Variants in ITGB5 observed in about 807,000 individuals in gnomAD.
ITGB5 encodes the protein integrin subunit beta 5.
ITGB5 carries 38 observed loss-of-function variants against 84.8 expected under a neutral mutation model. That is an observed-to-expected ratio of 0.45 (90% confidence interval 0.35 to 0.59). ITGB5 has a LOEUF of 0.59. Among genes scored for constraint, ITGB5 ranks in the 20% least tolerant of loss-of-function variants. ITGB5 has a pLI of 0.01. For missense variants in ITGB5, 905 were observed against 1,034.5 expected, an observed-to-expected ratio of 0.87 and a Z score of 1.72; for synonymous variants, 393 against 414.4, an observed-to-expected ratio of 0.95 and a Z score of 0.63.
intron 8 of ITGB5, among the ~76,000 whole-genome samples, chr3:124,813,486 G>A (rs1420081727): frequency 6.6e-6 from 1 of 152,168 alleles, no homozygotes; most frequent in African/African-American, 2.4e-5. Flanking sequence ...GTACTAGGTT[G>A]TCATCTATAC....
chr3:124,769,362 T>C, intron 11 of ITGB5: 1 of 436,918 alleles, frequency 2.3e-6, no homozygotes, highest in Admixed American at 3.9e-5. Context: ...ACCTTTCAAA[T>C]TCTGACACCA....
intron 9 of ITGB5, among the ~76,000 whole-genome samples, chr3:124,798,055 C>CTTTTTTTTTTTTTTTTTTTTTTTTTT (rs60292129): frequency 2.9e-5 from 3 of 103,656 alleles, no homozygotes; most frequent in African/African-American, 8.0e-5. Context: ...TAGAATAAAG[C>CTTTTTTTTTTTTTTTTTTTTTTTTTT]TTTTTTTTTT....
At position 124,769,097 on chromosome 3, in the gene ITGB5, G is replaced by A. The variant is rs1334616101; in HGVS notation, c.1933C>T (p.Leu645=). Reference sequence around the variant, plus strand: ...TCAGGTTTCCCAGAGTGGAGCAGCAGGCACTCGACGCAATCTCTTTGGAAA... The same window carrying A: ...TCAGGTTTCCCAGAGTGGAGCAGCAAGCACTCGACGCAATCTCTTTGGAAA... ...CSTKRDCVEC[L]LLHSGKPDNQ... Residue 645 remains leucine (L), a synonymous_variant, in exon 12 of 15, where the codon CTG becomes TTG. Coordinates refer to ENST00000296181, the MANE Select transcript of ITGB5 (RefSeq NM_002213.5). 1 of 1,614,054 alleles carries A rather than the reference G, an allele frequency of 6.2e-7. No homozygotes were observed. The highest frequency in any genetic ancestry group is 8.5e-7 in the Non-Finnish European group (1 of 1,180,002).
chr3:124,849,720 T>A (rs2065126977), intron 3 of ITGB5, among the ~76,000 whole-genome samples: 1 of 152,066 alleles, frequency 6.6e-6, no homozygotes, highest in Non-Finnish European at 1.5e-5. Flanking sequence ...AAAGCTAGTG[T>A]CTGGCAGGTG....
chr3:124,826,205 C>T (rs1052041320), intron 5 of ITGB5, among the ~76,000 whole-genome samples: 6 of 152,088 alleles, frequency 3.9e-5, no homozygotes, highest in Non-Finnish European at 7.4e-5. Context: ...CTTTAATAGG[C>T]GGGCACAACT....
intron 10 of ITGB5, among the ~76,000 whole-genome samples, chr3:124,775,073 C>A (rs1017989181): frequency 6.6e-6 from 1 of 152,220 alleles, no homozygotes. Flanking sequence ...CTAGAACCTG[C>A]AGGGGGATGC....
At chr3:124,787,210 G>A (rs78331546) in intron 10 of ITGB5, among the ~76,000 whole-genome samples, 16 of 152,280 alleles carry the variant, frequency 1.1e-4, no homozygotes, top group Non-Finnish European at 1.8e-4. Flanking sequence ...TAGAGGGAGT[G>A]GGACGGTGAG....
chr3:124,823,239 G>A (rs910984580), intron 5 of ITGB5, among the ~76,000 whole-genome samples: 2 of 151,590 alleles, frequency 1.3e-5, no homozygotes, highest in African/African-American at 2.4e-5. Context: ...CTCCAGCCTG[G>A]GCAACAGAGC....
chr3:124,779,934 C>G (rs913672689), intron 10 of ITGB5, among the ~76,000 whole-genome samples: 1 of 152,142 alleles, frequency 6.6e-6, no homozygotes, highest in Non-Finnish European at 1.5e-5. Flanking sequence ...CATGCCCAGT[C>G]GGAAGCAAGA....
At chr3:124,879,175 A>T (rs1934464787) in intron 1 of ITGB5, among the ~76,000 whole-genome samples, 1 of 152,142 alleles carries the variant, frequency 6.6e-6, no homozygotes, top group South Asian at 2.1e-4. Context: ...CAACAACCCA[A>T]GCCAGGCCCT....
intron 9 of ITGB5, among the ~76,000 whole-genome samples, chr3:124,802,124 G>A (rs545709174): frequency 1.6e-4 from 24 of 152,268 alleles, no homozygotes; most frequent in African/African-American, 3.9e-4. Flanking sequence ...CACCCTCTAC[G>A]GGGCTGACTC....
At chr3:124,764,605 C>A in intron 13 of ITGB5, 48 bp from the exon 14 acceptor site, 3 of 1,561,338 alleles carry the variant, frequency 1.9e-6, no homozygotes, top group Non-Finnish European at 2.6e-6. Flanking sequence ...CATCACCATG[C>A]CCCTCTCACG....
intron 5 of ITGB5, 126 bp from the exon 6 acceptor site, chr3:124,821,600 C>T (rs1171343738): frequency 4.9e-6 from 5 of 1,011,438 alleles, no homozygotes; most frequent in African/African-American, 1.6e-5. Flanking sequence ...CCATGTGTAC[C>T]TGGGGCACAC....
In ITGB5 at chr3:124,847,550, C is replaced by T. The variant is rs1207238026; in HGVS notation, c.611+759G>A. 3.9e-5 allele frequency among the ~76,000 whole-genome samples: 6 copies of T among 152,312 alleles called. No individual in the cohort carries two copies. The Middle Eastern group carries it at 0.01, about 259-fold the overall frequency. ...ATGTGGGAGCGGGCATGGCAAAGGC[C>T]TATCCTCCTATGCATGACCCTCTAG... On this transcript the variant is annotated intron_variant, in intron 4 of 14. Coordinates refer to ENST00000296181, the MANE Select transcript of ITGB5 (RefSeq NM_002213.5).
chr3:124,766,724 C>T lies in ITGB5; in HGVS notation c.2018-379G>A, dbSNP rs189772240. Among the ~76,000 whole-genome samples, 377 of 152,322 alleles carry T rather than the reference C, an allele frequency of 2.5e-3. 3 individuals are homozygous for T. The highest frequency in any genetic ancestry group is 8.3e-3 in the African/African-American group (344 of 41,568). ...AAAACCATCCCAGCCCCCTTTGAGG[C>T]TTGAGTGGGGCTTCATATTTGAGAA... On this transcript the variant is annotated intron_variant, in intron 12 of 14. Transcript: ENST00000296181.
intron 2 of ITGB5, among the ~76,000 whole-genome samples, chr3:124,865,484 T>TTTTC (rs1553766690): frequency 3.8e-5 from 5 of 132,286 alleles, no homozygotes; most frequent in African/African-American, 1.4e-4. Context: ...CTTTTTTCTT[T>TTTTC]TTTTTTTTTT....
intron 2 of ITGB5, among the ~76,000 whole-genome samples, chr3:124,861,476 CAAA>C (rs1433238959): frequency 9.1e-5 from 8 of 87,500 alleles, no homozygotes; most frequent in African/African-American, 3.5e-4. Context: ...AAAAACAAAA[CAAA>C]ACATATATAT....
At chr3:124,872,185 A>G (rs1051448901) in intron 2 of ITGB5, among the ~76,000 whole-genome samples, 1 of 152,238 alleles carries the variant, frequency 6.6e-6, no homozygotes, top group Non-Finnish European at 1.5e-5. Context: ...AAGTAAATTG[A>G]GAACTCCCAA....
chr3:124,841,489 T>C lies in ITGB5; in HGVS notation c.674A>G (p.Asp225Gly). 1 of 1,614,170 alleles carries C rather than the reference T, an allele frequency of 6.2e-7. No homozygotes were observed. Among genetic ancestry groups the C allele is most frequent in the South Asian group, 1.1e-5 (1 of 91,080 alleles). ...FGFRHLLPLT[D>G]RVDSFNEEVR... is the part of the protein sequence containing the mutation. Reference sequence around the variant, plus strand: ...TTCCTCATTGAAGCTGTCCACTCTGTCTGTGAGAGGCAGCAGATGGCGGAA... The same window carrying C: ...TTCCTCATTGAAGCTGTCCACTCTGCCTGTGAGAGGCAGCAGATGGCGGAA... The change falls in exon 5 of 15, where the codon GAC (aspartate) becomes GGC (glycine). Residue 225 changes from aspartate (D) to glycine (G), a missense_variant. Asp to Gly is a moderately conservative substitution (Grantham distance 94). Transcript: ENST00000296181.
Sources: allele counts gnomAD v4.1 joint callset (sites outside exome capture counted in the v4.1 genomes callset), GRCh38; gene constraint gnomAD v4.1.1; transcripts MANE v1.5; gene names NCBI Gene and HGNC (gene_info 2026-07-23, HGNC 2026-07-21).